GFM2: variants seen among roughly 807,000 people sequenced by gnomAD.
The protein encoded by GFM2 is GTP dependent ribosome recycling factor mitochondrial 2.
GFM2 carries 72 observed loss-of-function variants against 95.4 expected under a neutral mutation model. The ratio of observed to expected loss-of-function variants is 0.76; its 90% CI spans 0.62 to 0.92. The LOEUF is 0.92. Ranked by LOEUF, GFM2 falls within the 40% of genes least tolerant of loss-of-function variation. The probability of loss-of-function intolerance (pLI) is 0.00; values close to 1 mark genes in which losing one functional copy is unlikely to be tolerated. For synonymous variants in GFM2, 276 were observed against 317.5 expected (o/e 0.87, Z 1.39); for missense variants, 825 against 924.1 (o/e 0.89, Z 1.39).
intron 2 of GFM2, among the ~76,000 whole-genome samples, chr5:74,761,290 G>A (rs1744271918): frequency 6.6e-6 from 1 of 152,190 alleles, no homozygotes; most frequent in African/African-American, 2.4e-5. Context: ...CTCCAATCCA[G>A]ACAAGAGAAT....
At chr5:74,743,208 T>C (rs1422617559) in intron 10 of GFM2, among the ~76,000 whole-genome samples, 2 of 152,210 alleles carry the variant, frequency 1.3e-5, no homozygotes, top group Non-Finnish European at 2.9e-5. Flanking sequence ...AGAATGCTGC[T>C]AAGAACATGT....
At chr5:74,728,100 G>A (rs947841802) in intron 17 of GFM2, among the ~76,000 whole-genome samples, 4 of 151,956 alleles carry the variant, frequency 2.6e-5, no homozygotes, top group Admixed American at 6.6e-5. Flanking sequence ...CATGCCCATC[G>A]CACCTATTTT....
At chr5:74,736,433 T>TA in intron 15 of GFM2, 1 of 984,212 alleles carries the variant, frequency 1.0e-6, no homozygotes, top group Non-Finnish European at 1.2e-6. Context: ...GAAAACAAGG[T>TA]AAAACAGCAT....
intron 16 of GFM2, 190 bp from the exon 17 acceptor site, chr5:74,730,588 A>C (rs929546320): frequency 7.4e-6 from 3 of 403,542 alleles, no homozygotes; most frequent in Non-Finnish European, 1.3e-5. Flanking sequence ...ATGAATCAAT[A>C]AACAATGAAT....
rs752519690 is a variant in GFM2 at position 74,730,321 on chromosome 5, G to C, written c.1665C>G (p.Thr555=). The C allele has an allele frequency of 3.1e-6, 5 of 1,612,750 alleles. No homozygotes were observed. In the African/African-American group the frequency reaches 4.0e-5, roughly 13 times the overall value. Residue 555 remains threonine, a synonymous_variant, in exon 17 of 21, where the codon ACC becomes ACG. Coordinates refer to ENST00000296805, the MANE Select transcript of GFM2 (RefSeq NM_032380.5). ...DRIKREYGLE[T]YLGPLQVAYR... is the part of the protein sequence containing the mutation. ...ATGCCACCTGGAGAGGCCCGAGATA[G>C]GTCTCCAGTCCATATTCCCTCTTGA...
chr5:74,761,297 G>C (rs1382383999), intron 2 of GFM2, among the ~76,000 whole-genome samples: 3 of 152,198 alleles, frequency 2.0e-5, no homozygotes, highest in East Asian at 3.8e-4. Context: ...CCAGACAAGA[G>C]AATCAGAAAC....
chr5:74,729,993 C>A (rs1742476055), intron 17 of GFM2, among the ~76,000 whole-genome samples: 1 of 152,112 alleles, frequency 6.6e-6, no homozygotes, highest in African/African-American at 2.4e-5. Context: ...GACAAGCCAT[C>A]GACTTCAGTG....
At chr5:74,752,090 A>G (rs1477022230) in intron 5 of GFM2, among the ~76,000 whole-genome samples, 1 of 152,188 alleles carries the variant, frequency 6.6e-6, no homozygotes, top group Non-Finnish European at 1.5e-5. Context: ...ATTATCCTTT[A>G]CAAACCCATC....
Position 74,737,941 on chromosome 5 carries a change from C to T in GFM2, c.1320+377G>A, listed in dbSNP as rs539938291. 3.3e-5 allele frequency among the ~76,000 whole-genome samples: 5 copies of T among 152,074 alleles called. 1 individual carries two copies. The South Asian group carries it at 1.0e-3, about 32-fold the overall frequency. On this transcript the variant is annotated intron_variant, in intron 14 of 20. Transcript: ENST00000296805. The stretch of plus-strand genomic sequence containing the variant: ...GGCTTTACTAACAAAACATTATAAC[C>T]TGATCAGTTATAAGTCTAGGTTAAA...
Position 74,721,413 on chromosome 5 carries a change from T to C in GFM2, c.*242A>G. The C allele has an allele frequency of 1.4e-6, 1 of 713,672 alleles. No individual in the cohort carries two copies. Among genetic ancestry groups the C allele is most frequent in the Admixed American group, 2.1e-5 (1 of 48,528 alleles). 44.2% of individuals were successfully genotyped at this position (713,672 alleles called of 1,614,324 possible). A position where few individuals can be genotyped will look rare whatever the true frequency, so the allele number is the denominator to read the frequency against. ...CTGAAGGCTACTTATAGTAATAACT[T>C]CATAGATGAACAGCATGATTCAGGT... On this transcript the variant is annotated 3_prime_UTR_variant, in exon 21 of 21. Coordinates refer to ENST00000296805, the MANE Select transcript of GFM2 (RefSeq NM_032380.5).
chr5:74,737,866 T>C (rs1333887899), intron 14 of GFM2, among the ~76,000 whole-genome samples: 1 of 152,164 alleles, frequency 6.6e-6, no homozygotes, highest in Non-Finnish European at 1.5e-5. Context: ...CACTGATCTA[T>C]GGACTGTAGG....
Position 74,740,150 on chromosome 5 carries a change from G to C in GFM2, c.931-13C>G, listed in dbSNP as rs1166402198. ...TTGCAGTCTGTAGCTACAGAGCAGA[G>C]ATACAAATGAGCATTTATTTTGTGT... On this transcript the variant is annotated splice_polypyrimidine_tract_variant and intron_variant, in intron 11 of 20. Coordinates refer to ENST00000296805, the MANE Select transcript of GFM2 (RefSeq NM_032380.5). 5 of 1,587,322 alleles carry C rather than the reference G, an allele frequency of 3.1e-6. No individual in the cohort carries two copies. The African/African-American group carries it at 6.8e-5, about 22-fold the overall frequency.
intron 5 of GFM2, among the ~76,000 whole-genome samples, chr5:74,756,079 T>C (rs1055846991): frequency 1.2e-4 from 19 of 152,104 alleles, no homozygotes; most frequent in African/African-American, 4.6e-4. Context: ...AAATGTGATA[T>C]ATCACATAAA....
At chr5:74,763,801 A>T in intron 1 of GFM2, 35 bp from the exon 2 acceptor site, 2 of 1,267,502 alleles carry the variant, frequency 1.6e-6, no homozygotes, top group Non-Finnish European at 2.3e-6. Context: ...AAAAAACTAA[A>T]CTTATGTATT....
At chr5:74,729,423 T>C (rs576504122) in intron 17 of GFM2, among the ~76,000 whole-genome samples, 1 of 152,332 alleles carries the variant, frequency 6.6e-6, no homozygotes, top group South Asian at 2.1e-4. Context: ...TGACTTATTT[T>C]CCCAGATTAC....
intron 5 of GFM2, among the ~76,000 whole-genome samples, chr5:74,753,307 A>T (rs1743811274): frequency 6.6e-6 from 1 of 152,142 alleles, no homozygotes; most frequent in Non-Finnish European, 1.5e-5. Context: ...TAGAAGAAAC[A>T]ACTTCAAAGG....
intron 5 of GFM2, 113 bp downstream of exon 5, chr5:74,758,736 C>T (rs1744121751): frequency 1.5e-6 from 1 of 654,566 alleles, no homozygotes; most frequent in African/African-American, 1.8e-5. Context: ...GTGGATTAGA[C>T]ATCAGTAGCT....
At chr5:74,748,869 A>G (rs538553732) in intron 7 of GFM2, among the ~76,000 whole-genome samples, 2 of 132,384 alleles carry the variant, frequency 1.5e-5, no homozygotes, top group African/African-American at 6.1e-5. Flanking sequence ...CTGTCTCAAA[A>G]TAAAATAAAA....
At chr5:74,725,497 CATG>C (rs1308810108) in intron 19 of GFM2, 140 bp downstream of exon 19, 14 of 524,694 alleles carry the variant, frequency 2.7e-5, no homozygotes, top group Non-Finnish European at 3.4e-6. Context: ...AGAGATTCTC[CATG>C]ATAAGAACTC....
Sources: allele counts gnomAD v4.1 joint callset (sites outside exome capture counted in the v4.1 genomes callset), GRCh38; gene constraint gnomAD v4.1.1; transcripts MANE v1.5; gene names NCBI Gene and HGNC (gene_info 2026-07-23, HGNC 2026-07-21).